The following DGKH variants were observed in gnomAD, a reference collection of about 807,000 sequenced individuals.
DGKH encodes the protein DAG kinase eta.
A neutral mutation model predicts 159.3 loss-of-function variants in DGKH; 90 were observed. The ratio of observed to expected loss-of-function variants is 0.57; its 90% CI spans 0.48 to 0.67. DGKH has a LOEUF of 0.67. DGKH is among the 30% of genes least tolerant of loss of function. The probability of loss-of-function intolerance (pLI) is 0.00; values close to 1 mark genes in which losing one functional copy is unlikely to be tolerated. For missense variants in DGKH, 1,181 were observed against 1,506.1 expected (o/e 0.78, Z 3.57); for synonymous variants, 536 against 553.8 (o/e 0.97, Z 0.45).
intron 29 of DGKH, chr13:42,252,329 T>C (rs184870075): frequency 2.0e-5 from 3 of 152,336 alleles, no homozygotes; most frequent in African/African-American, 7.2e-5. Flanking sequence ...TGTCTATTTT[T>C]CTGTAAGTAC....
At chr13:42,151,578 TACAC>T (rs60281789) in intron 3 of DGKH, among the ~76,000 whole-genome samples, 1,570 of 93,800 alleles carry the variant, frequency 0.017, 25 homozygotes, top group African/African-American at 0.037. Context: ...CTTATATGTA[TACAC>T]ACACACACAC....
intron 24 of DGKH, among the ~76,000 whole-genome samples, chr13:42,213,474 T>C (rs347415): frequency 0.97 from 147,114 of 152,280 alleles, 71,145 homozygotes; most frequent in East Asian, 1. Flanking sequence ...AGTTGATTTA[T>C]GTCTTTCCCT....
chr13:42,250,349 A>G (rs1229566409), intron 29 of DGKH, among the ~76,000 whole-genome samples: 1 of 152,202 alleles, frequency 6.6e-6, no homozygotes, highest in East Asian at 1.9e-4. Flanking sequence ...TGATACTTCA[A>G]TACCTGTATA....
intron 3 of DGKH, among the ~76,000 whole-genome samples, chr13:42,141,318 T>C (rs1055169426): frequency 6.6e-6 from 1 of 151,942 alleles, no homozygotes; most frequent in Non-Finnish European, 1.5e-5. Context: ...GGCATTTGGG[T>C]TGGTTTCAAG....
rs143773297 is a variant in DGKH at position 42,219,763 on chromosome 13, G to A, written c.3411G>A (p.Lys1137=). 30 of 1,613,510 alleles carry A rather than the reference G, an allele frequency of 1.9e-5. No homozygotes were observed. Among genetic ancestry groups the A allele is most frequent in the Non-Finnish European group, 3.4e-6 (4 of 1,179,720 alleles). The stretch of plus-strand genomic sequence containing the variant: ...TAGTGCCAAAGTTTAAAAAGGAAAA[G>A]GTTCAGAAGCAGAAGACAAGTTCAC... ...FRIVPKFKKE[K]VQKQKTSSQP... is the part of the protein sequence containing the mutation. The change falls in exon 28 of 30, where the codon AAG becomes AAA. Residue 1137 remains lysine, a synonymous_variant. Coordinates refer to ENST00000337343, the MANE Select transcript of DGKH (RefSeq NM_178009.5).
At position 42,229,371 on chromosome 13, in the gene DGKH, G is replaced by C. The variant is rs553763863; in HGVS notation, c.*183G>C. ...AGGTATTAGAAAATATTTTTGTGCC[G>C]AACAATACATTCCACAAAGCCATTT... On this transcript the variant is annotated 3_prime_UTR_variant, in exon 30 of 30. Coordinates refer to ENST00000337343, the MANE Select transcript of DGKH (RefSeq NM_178009.5). The C allele has an allele frequency of 2.2e-4, 121 of 540,290 alleles. No homozygotes were observed. The highest frequency in any genetic ancestry group is 2.1e-3 in the African/African-American group (103 of 49,650). The allele number at this position is 540,290 out of a possible 1,614,324, so 33.5% of individuals were successfully genotyped here. A position where few individuals can be genotyped will look rare whatever the true frequency, so the allele number is the denominator to read the frequency against.
At chr13:42,076,587 T>G (rs11843246) in intron 1 of DGKH, among the ~76,000 whole-genome samples, 1 of 152,168 alleles carries the variant, frequency 6.6e-6, no homozygotes, top group Non-Finnish European at 1.5e-5. Flanking sequence ...TATTCAAGTT[T>G]AGGTTAACCC....
intron 30 of DGKH, among the ~76,000 whole-genome samples, chr13:42,252,660 T>C (rs1958628570): frequency 6.6e-6 from 1 of 152,098 alleles, no homozygotes; most frequent in African/African-American, 2.4e-5. Flanking sequence ...ACACTAAACC[T>C]GCAATTGCAC....
intron 1 of DGKH, among the ~76,000 whole-genome samples, chr13:42,053,519 TATATATAA>T (rs1881497685): frequency 1.5e-5 from 1 of 65,944 alleles, no homozygotes; most frequent in Non-Finnish European, 3.3e-5. Context: ...TATACATAAC[TATATATAA>T]CTATATATGT....
intron 3 of DGKH, among the ~76,000 whole-genome samples, chr13:42,137,786 A>G (rs1178171653): frequency 6.6e-6 from 1 of 152,220 alleles, no homozygotes; most frequent in Non-Finnish European, 1.5e-5. Flanking sequence ...ATTATAAAAA[A>G]GGTCTGGGAA....
In DGKH at chr13:42,184,231, A is replaced by T. The variant is rs183307504; in HGVS notation, c.1539-2818A>T. On this transcript the variant is annotated intron_variant, in intron 13 of 29. Coordinates refer to ENST00000337343, the MANE Select transcript of DGKH (RefSeq NM_178009.5). ...ATTGGAACTTTTTATTAGATGAAAA[A>T]TGAATTTTTCAGATATGATGACCCT... 1.1e-3 allele frequency among the ~76,000 whole-genome samples: 163 copies of T among 152,294 alleles called. 1 individual carries two copies. Among genetic ancestry groups the T allele is most frequent in the Admixed American group, 2.5e-3 (38 of 15,298 alleles).
intron 20 of DGKH, among the ~76,000 whole-genome samples, chr13:42,203,930 A>G (rs1201247559): frequency 5.3e-5 from 8 of 152,202 alleles, no homozygotes; most frequent in Admixed American, 5.2e-4. Flanking sequence ...GGATATGAGA[A>G]ACTTTTAAAT....
rs1956371459 is a variant in DGKH, at chr13:42,168,794, G to A, written c.1343G>A (p.Arg448Gln). 3 of 1,613,722 alleles carry A rather than the reference G, an allele frequency of 1.9e-6. No homozygotes were observed. The highest frequency in any genetic ancestry group is 2.5e-6 in the Non-Finnish European group (3 of 1,179,752). The part of the protein sequence containing the change: ...QLPQILEKLE[R>Q]ASTKMLDRWS... ...CCTCAGATCCTAGAGAAACTGGAAC[G>A]AGCCAGTACCAAAATGTTGGACAGG... The change falls in exon 11 of 30, where the codon CGA becomes CAA. Residue 448 changes from arginine to glutamine, a missense_variant. Around this residue, in one of 5 missense-constraint regions of DGKH, gnomAD observed 369 missense variants for 519.4 expected, o/e 0.71. Transcript: ENST00000337343.
intron 1 of DGKH, among the ~76,000 whole-genome samples, chr13:42,073,891 A>T (rs920090904): frequency 1.2e-4 from 19 of 152,176 alleles, no homozygotes; most frequent in Admixed American, 3.9e-4. Flanking sequence ...GTGCACCAGG[A>T]AAAGGATAGC....
chr13:42,105,929 T>C (rs1954743679), intron 1 of DGKH, among the ~76,000 whole-genome samples: 3 of 152,222 alleles, frequency 2.0e-5, no homozygotes, highest in African/African-American at 2.4e-5. Context: ...TGAATAGATC[T>C]GTGAAAACAA....
At chr13:42,088,461 A>G (rs1954351428) in intron 1 of DGKH, among the ~76,000 whole-genome samples, 1 of 152,192 alleles carries the variant, frequency 6.6e-6, no homozygotes, top group African/African-American at 2.4e-5. Flanking sequence ...AACTTGTGAA[A>G]TAGCAGTAGA....
chr13:42,119,156 A>G (rs1339965145), intron 1 of DGKH, among the ~76,000 whole-genome samples: 3 of 152,016 alleles, frequency 2.0e-5, no homozygotes, highest in Non-Finnish European at 4.4e-5. Context: ...TCATCATATA[A>G]CTCTCCGGAA....
chr13:42,176,234 A>G (rs1424082681), intron 12 of DGKH, among the ~76,000 whole-genome samples: 4 of 152,358 alleles, frequency 2.6e-5, no homozygotes, highest in South Asian at 2.1e-4. Context: ...ACATTAGTCA[A>G]CTGGCATTAA....
chr13:42,160,144 T>A lies in DGKH; in HGVS notation c.855+8T>A. 1 of 1,614,154 alleles carries A rather than the reference T, an allele frequency of 6.2e-7. No homozygotes were observed. On this transcript the variant is annotated splice_region_variant and intron_variant, in intron 7 of 29. Coordinates refer to ENST00000337343, the MANE Select transcript of DGKH (RefSeq NM_178009.5). ...CTTTGGTGTAAGACAATGGTGAGGG[T>A]TTTGGAATCAGTTCATCCTTTTTAA...
Sources: allele counts gnomAD v4.1 joint callset (sites outside exome capture counted in the v4.1 genomes callset), GRCh38; gene constraint gnomAD v4.1.1; regional missense constraint gnomAD v4.1.1; transcripts MANE v1.5; gene names NCBI Gene and HGNC (gene_info 2026-07-23, HGNC 2026-07-21).